Variants in MAGEC3 observed in about 807,000 individuals in gnomAD.
MAGEC3 encodes MAGE family member C3.
MAGEC3 carries 34 observed loss-of-function variants against 35.3 expected under a neutral mutation model. The ratio of observed to expected loss-of-function variants is 0.96; its 90% confidence interval spans 0.73 to 1.28. The LOEUF (loss-of-function observed/expected upper bound fraction) is 1.28. MAGEC3 is among the 50% of genes most tolerant of loss of function. The pLI is 0.00. For synonymous variants in MAGEC3, 202 were observed against 185.6 expected (o/e 1.09, Z -0.72); for missense variants, 561 against 483.6 (o/e 1.16, Z -1.50).
intron 1 of MAGEC3, among the ~76,000 whole-genome samples, chrX:141,856,187 T>C (rs2017779320): frequency 9.0e-6 from 1 of 111,585 alleles, no homozygotes; most frequent in African/African-American, 3.3e-5. Flanking sequence ...CAAGCCTAAG[T>C]AATATGCACA....
chrX:141,840,570 TAAG>T (rs1302729857), intron 1 of MAGEC3, among the ~76,000 whole-genome samples: 3 of 111,876 alleles, frequency 2.7e-5, no homozygotes, highest in East Asian at 2.8e-4. Context: ...ATCTCCATGT[TAAG>T]AAGATTTTCA....
chrX:141,848,501 C>A (rs184701002), intron 1 of MAGEC3, among the ~76,000 whole-genome samples: 1 of 110,622 alleles, frequency 9.0e-6, no homozygotes, highest in African/African-American at 3.3e-5. Flanking sequence ...GGCTGAGAGT[C>A]AAACGAAGAA....
intron 1 of MAGEC3, among the ~76,000 whole-genome samples, chrX:141,848,575 G>T (rs1186211857): frequency 9.0e-6 from 1 of 110,974 alleles, no homozygotes; most frequent in Non-Finnish European, 1.9e-5. Context: ...AAGCAAGTAG[G>T]TGAAAGATCT....
At chrX:141,878,834 CAT>C (rs2124113769) in intron 2 of MAGEC3, among the ~76,000 whole-genome samples, 1 of 111,982 alleles carries the variant, frequency 8.9e-6, no homozygotes, top group East Asian at 2.8e-4. Context: ...ATCTGAAGAA[CAT>C]AGTCTCTGGA....
At chrX:141,844,238 C>T (rs1397414789) in intron 1 of MAGEC3, among the ~76,000 whole-genome samples, 1 of 110,978 alleles carries the variant, frequency 9.0e-6, no homozygotes. Flanking sequence ...TGCTTGGTGG[C>T]AAATTTTCAA....
chrX:141,869,799 CTAACA>C (rs1009654753), intron 2 of MAGEC3, among the ~76,000 whole-genome samples: 2 of 112,019 alleles, frequency 1.8e-5, no homozygotes, highest in East Asian at 5.6e-4. Flanking sequence ...TTACAATAAC[CTAACA>C]TAACAACTTT....
At chrX:141,894,518 G>T in intron 4 of MAGEC3, 3 of 476,634 alleles carry the variant, frequency 6.3e-6, no homozygotes, top group Non-Finnish European at 8.8e-6. Context: ...AGAAGGTTTT[G>T]GAATGGATTT....
At chrX:141,891,075 C>T (rs1299819140) in intron 4 of MAGEC3, among the ~76,000 whole-genome samples, 1 of 111,842 alleles carries the variant, frequency 8.9e-6, no homozygotes, top group Non-Finnish European at 1.9e-5. Context: ...GGTTTGAATT[C>T]TTCTGTGGGC....
intron 4 of MAGEC3, chrX:141,894,883 A>G (rs371643928): frequency 1.8e-6 from 1 of 560,501 alleles, no homozygotes; most frequent in South Asian, 3.4e-5. Context: ...GAGGTAGGCA[A>G]GAAGGGGTGG....
chrX:141,885,663 CAA>C (rs35973319), intron 4 of MAGEC3, among the ~76,000 whole-genome samples: 5 of 40,992 alleles, frequency 1.2e-4, no homozygotes, highest in African/African-American at 6.2e-4. Context: ...GACTTCGTCT[CAA>C]AAAAAAAAAA....
chrX:141,884,321 T>C (rs1163889866), intron 4 of MAGEC3, among the ~76,000 whole-genome samples: 1 of 111,956 alleles, frequency 8.9e-6, no homozygotes, highest in Non-Finnish European at 1.9e-5. Flanking sequence ...ACACTTTTTT[T>C]TCCTGTGCTG....
intron 3 of MAGEC3, chrX:141,880,843 G>T (rs773747517): frequency 8.0e-6 from 9 of 1,132,033 alleles, no homozygotes; most frequent in Non-Finnish European, 9.6e-6. Context: ...CTGTAAGCCG[G>T]CCTTTGTCAG....
intron 1 of MAGEC3, among the ~76,000 whole-genome samples, chrX:141,840,797 C>G (rs1456900011): frequency 9.2e-6 from 1 of 109,015 alleles, no homozygotes; most frequent in Non-Finnish European, 1.9e-5. Context: ...AAAAACCCCA[C>G]AAGAACAAAA....
At chrX:141,881,827 C>T (rs778491530) in intron 4 of MAGEC3, 31 bp downstream of exon 4, 139 of 1,207,791 alleles carry the variant, frequency 1.2e-4, no homozygotes, top group Non-Finnish European at 1.5e-4. Flanking sequence ...TTTCGTCTAT[C>T]GGGAGCCCAG....
chrX:141,870,508 T>C (rs954173659), intron 2 of MAGEC3, among the ~76,000 whole-genome samples: 1 of 111,961 alleles, frequency 8.9e-6, no homozygotes, highest in African/African-American at 3.3e-5. Context: ...TTTTGCAAGA[T>C]TAATTTTTAC....
At chrX:141,882,273 T>G (rs756938603) in intron 4 of MAGEC3, among the ~76,000 whole-genome samples, 17 of 112,043 alleles carry the variant, frequency 1.5e-4, no homozygotes, top group African/African-American at 3.9e-4. Flanking sequence ...ATGGGAGAGA[T>G]AGATTTACCT....
rs183475802 is a variant in MAGEC3 at position 141,893,664 on chromosome X, G to C, written c.910-1605G>C. Among the ~76,000 whole-genome samples, 438 of 102,971 alleles carry C rather than the reference G, an allele frequency of 4.3e-3. 2 individuals carry two copies. The highest frequency in any genetic ancestry group is 0.015 in the African/African-American group (420 of 27,525). The allele number at this position is 102,971 out of a possible 115,157, so 89.4% of individuals were successfully genotyped here. On this transcript the variant is annotated intron_variant, in intron 4 of 7. Transcript: ENST00000298296. ...ACACTGTGTGTGTGTGTGTGTGTGTGTGTGTGTGTGTCTGTGTGCGTGCAT... is the reference window on the plus strand; with the variant it reads ...ACACTGTGTGTGTGTGTGTGTGTGTCTGTGTGTGTGTCTGTGTGCGTGCAT...
At chrX:141,855,754 T>C (rs954308514) in intron 1 of MAGEC3, among the ~76,000 whole-genome samples, 1 of 111,800 alleles carries the variant, frequency 8.9e-6, no homozygotes, top group African/African-American at 3.2e-5. Flanking sequence ...TGAAAATAGT[T>C]AATTTTAGGT....
intron 2 of MAGEC3, among the ~76,000 whole-genome samples, chrX:141,876,128 G>A (rs1332910949): frequency 8.9e-6 from 1 of 112,096 alleles, no homozygotes; most frequent in Non-Finnish European, 1.9e-5. Context: ...ATGTGGAGAG[G>A]AAAATAAACC....
Sources: gnomAD v4.1 joint callset for allele counts (sites outside exome capture counted in the v4.1 genomes callset) on GRCh38, gnomAD v4.1.1 for gene constraint, MANE v1.5 for transcripts, NCBI Gene and HGNC (gene_info 2026-07-23, HGNC 2026-07-21) for gene names.